The following CYFIP2 variants were observed in gnomAD, a reference collection of about 807,000 sequenced individuals.
The protein encoded by CYFIP2 is cytoplasmic FMR1-interacting protein 2.
CYFIP2 carries 29 observed loss-of-function variants against 158.7 expected under a neutral mutation model. The observed-to-expected ratio is 0.18, with a 90% CI of 0.14 to 0.25. The LOEUF (loss-of-function observed/expected upper bound fraction) is 0.25, where lower values mean the gene tolerates loss of function less well. Among genes scored for constraint, CYFIP2 ranks in the 10% least tolerant of loss-of-function variants. The probability of loss-of-function intolerance (pLI) is 1.00; values close to 1 mark genes in which losing one functional copy is unlikely to be tolerated. For missense variants in CYFIP2, 852 were observed against 1,639.5 expected, an observed-to-expected ratio of 0.52 and a Z score of 8.29; for synonymous variants, 585 against 617.6, an observed-to-expected ratio of 0.95 and a Z score of 0.78.
chr5:157,360,985 C>T (rs966048349), intron 25 of CYFIP2, among the ~76,000 whole-genome samples: 1 of 152,204 alleles, frequency 6.6e-6, no homozygotes, highest in African/African-American at 2.4e-5. Flanking sequence ...TCAGTCCCAG[C>T]TGCCCTACTT....
At position 157,314,446 on chromosome 5, in the gene CYFIP2, G is replaced by A. The variant is rs775941668; in HGVS notation, c.1213G>A (p.Ala405Thr). The stretch of plus-strand genomic sequence containing the variant: ...TCTGCAGCTTCTATCCAAGTGGAGC[G>A]CCCACGTCATGGAGGTGGTAGGTGT... Reference protein sequence around the residue: ...RGLQLLSKWSAHVMEVYSWKL... With the variant: ...RGLQLLSKWSTHVMEVYSWKL... Residue 405 changes from alanine (A) to threonine (T), a missense_variant, in exon 12 of 31, where the codon GCC becomes ACC. This residue lies in a region of CYFIP2 where 10 missense variants were observed against 40.4 expected (regional missense o/e 0.25). Transcript: ENST00000620254. 20 of 1,613,516 alleles carry A rather than the reference G, an allele frequency of 1.2e-5. No homozygotes were observed. The highest frequency in any genetic ancestry group is 3.3e-5 in the South Asian group (3 of 91,044).
rs555973116 is a variant in CYFIP2 at position 157,344,713 on chromosome 5, G to A, written c.2673+3556G>A. On this transcript the variant is annotated intron_variant, in intron 23 of 30. Coordinates refer to ENST00000620254, the MANE Select transcript of CYFIP2 (RefSeq NM_001037333.3). ...ACAGTCTCACCCTGCTTTGTCTTCC[G>A]CCTCTCCTCCCTCACATGAAACCCC... Among the ~76,000 whole-genome samples the A allele has an allele frequency of 9.9e-5, 15 of 152,252 alleles. No homozygotes were observed. The South Asian group carries it at 1.0e-3, about 11-fold the overall frequency.
At chr5:157,368,893 TG>T (rs1764698444) in intron 26 of CYFIP2, among the ~76,000 whole-genome samples, 2 of 113,336 alleles carry the variant, frequency 1.8e-5, no homozygotes, top group African/African-American at 7.4e-5. Context: ...AGAGGTTTTT[TG>T]TTTTTTTGTT....
In CYFIP2 at chr5:157,285,413, G is replaced by C; in HGVS notation, c.52G>C (p.Glu18Gln). The change falls in exon 2 of 31, where the codon GAA (glutamate) becomes CAA (glutamine). Residue 18 changes from glutamate to glutamine, a missense_variant. Transcript: ENST00000620254. ...TGCCCTGTCCAACGTGGACCTGCTT[G>C]AAGAGCTTCCCCTCCCCGACCAGCA... The part of the protein sequence containing the change: ...EDALSNVDLL[E>Q]ELPLPDQQPC... 1 of 1,581,688 alleles carries C rather than the reference G, an allele frequency of 6.3e-7. No homozygotes were observed. The highest frequency in any genetic ancestry group is 8.6e-7 in the Non-Finnish European group (1 of 1,164,202).
At chr5:157,330,495 T>A (rs1332209661) in intron 19 of CYFIP2, among the ~76,000 whole-genome samples, 1 of 152,186 alleles carries the variant, frequency 6.6e-6, no homozygotes, top group African/African-American at 2.4e-5. Context: ...AGTAAATGAA[T>A]AAAAGAGGAA....
At chr5:157,271,882 G>A (rs555735357) in intron 1 of CYFIP2, among the ~76,000 whole-genome samples, 32 of 152,254 alleles carry the variant, frequency 2.1e-4, no homozygotes, top group African/African-American at 7.2e-4. Flanking sequence ...GTTTTAGCAG[G>A]TGCATCTGAG....
At position 157,361,614 on chromosome 5, in the gene CYFIP2, AAAGG is replaced by A. The variant is rs1763831376; in HGVS notation, c.3039+20_3039+23del. 2 of 1,613,668 alleles carry A rather than the reference AAAGG, an allele frequency of 1.2e-6. No homozygotes were observed. The highest frequency in any genetic ancestry group is 1.7e-6 in the Non-Finnish European group (2 of 1,179,734). ...GCAAGCTCTGGTAAGTCCAGAGCCC[AAAGG>A]AAGTGGGGTGTCTCCAGGTTGGAGG... On this transcript the variant is annotated intron_variant, in intron 26 of 30. Coordinates refer to ENST00000620254, the MANE Select transcript of CYFIP2 (RefSeq NM_001037333.3). This position sits in a 1 kb window ranked among gnomAD's most constrained non-coding sequence, Gnocchi z 4.4.
At chr5:157,374,750 T>C (rs529861082) in intron 26 of CYFIP2, among the ~76,000 whole-genome samples, 2 of 152,350 alleles carry the variant, frequency 1.3e-5, no homozygotes, top group African/African-American at 4.8e-5. Flanking sequence ...CAAGGCAGCA[T>C]GGGGAAAGGA....
chr5:157,346,321 A>G lies in CYFIP2; in HGVS notation c.2673+5164A>G, dbSNP rs568430797. 2.6e-5 allele frequency among the ~76,000 whole-genome samples: 4 copies of G among 152,212 alleles called. No homozygotes were observed. The South Asian group carries it at 8.3e-4, about 32-fold the overall frequency. On this transcript the variant is annotated intron_variant, in intron 23 of 30. Transcript: ENST00000620254. ...TAATGCCCCCCCAAAATACATATCCATCCAGAACCTTAGGATGTGACCTGA... is the reference window on the plus strand; with the variant it reads ...TAATGCCCCCCCAAAATACATATCCGTCCAGAACCTTAGGATGTGACCTGA...
chr5:157,338,972 C>A, intron 21 of CYFIP2, 85 bp from the exon 22 acceptor site: 1 of 1,366,126 alleles, frequency 7.3e-7, no homozygotes, highest in Non-Finnish European at 1.0e-6. Context: ...CTGTCACTTG[C>A]GTGAACAGAA....
At chr5:157,329,258 G>T (rs1165269626) in intron 19 of CYFIP2, among the ~76,000 whole-genome samples, 1 of 152,226 alleles carries the variant, frequency 6.6e-6, no homozygotes, top group Non-Finnish European at 1.5e-5. Flanking sequence ...AGGCATCTGT[G>T]GATTGAATGG....
At chr5:157,306,495 G>A (rs969756599) in intron 8 of CYFIP2, among the ~76,000 whole-genome samples, 2 of 152,138 alleles carry the variant, frequency 1.3e-5, no homozygotes, top group Admixed American at 6.5e-5. Flanking sequence ...GCCTTCACAT[G>A]GTTTTGCCAC....
chr5:157,308,715 C>T (rs1193596397), intron 9 of CYFIP2, among the ~76,000 whole-genome samples: 2 of 152,158 alleles, frequency 1.3e-5, no homozygotes, highest in Non-Finnish European at 2.9e-5. Context: ...TGTGCCTTGG[C>T]TTTGCTTGTT....
Position 157,323,901 on chromosome 5 carries a change from A to G in CYFIP2, c.1672-20A>G, listed in dbSNP as rs113269399. 920 of 1,535,298 alleles carry G rather than the reference A, an allele frequency of 6.0e-4. 6 individuals are homozygous for G. The African/African-American group carries it at 0.011, about 18-fold the overall frequency. On this transcript the variant is annotated intron_variant, in intron 15 of 30. Coordinates refer to ENST00000620254, the MANE Select transcript of CYFIP2 (RefSeq NM_001037333.3). ...TAGAGGGCCAGCTTCTGACCTTCTCATCTTGCTTTCTTTTTCAAGCTGTAC... is the reference window on the plus strand; with the variant it reads ...TAGAGGGCCAGCTTCTGACCTTCTCGTCTTGCTTTCTTTTTCAAGCTGTAC...
At chr5:157,300,363 C>A (rs989590511) in intron 5 of CYFIP2, among the ~76,000 whole-genome samples, 5 of 151,612 alleles carry the variant, frequency 3.3e-5, no homozygotes, top group African/African-American at 9.7e-5. Flanking sequence ...GGTGAAACCC[C>A]GTCTCTACTA....
intron 26 of CYFIP2, among the ~76,000 whole-genome samples, chr5:157,366,637 TGTCA>T (rs1764397168): frequency 6.6e-6 from 1 of 152,254 alleles, no homozygotes. Flanking sequence ...GTGCTATGTC[TGTCA>T]TTTATCTTGT....
At chr5:157,371,707 A>G (rs1209617698) in intron 26 of CYFIP2, among the ~76,000 whole-genome samples, 5 of 152,232 alleles carry the variant, frequency 3.3e-5, no homozygotes, top group African/African-American at 1.2e-4. Flanking sequence ...CATCAGTTTT[A>G]AATTAACTAT....
chr5:157,296,460 G>T, intron 4 of CYFIP2: 1 of 543,408 alleles, frequency 1.8e-6, no homozygotes, highest in South Asian at 1.5e-5. Context: ...TGGATATAGT[G>T]TTGCATGCCT....
At chr5:157,320,006 G>A in intron 14 of CYFIP2, 78 bp downstream of exon 14, 2 of 1,547,352 alleles carry the variant, frequency 1.3e-6, no homozygotes. Context: ...TCCTGGCTCA[G>A]CCACTGAACA....
Sources: allele counts gnomAD v4.1 joint callset (sites outside exome capture counted in the v4.1 genomes callset), GRCh38; gene constraint gnomAD v4.1.1; regional missense constraint gnomAD v4.1.1; non-coding constraint Gnocchi (gnomAD v3.1); transcripts MANE v1.5; gene names NCBI Gene and HGNC (gene_info 2026-07-23, HGNC 2026-07-21).